ARFGEF1: variants seen among roughly 807,000 people sequenced by gnomAD.
ARFGEF1 encodes the protein brefeldin A-inhibited guanine nucleotide-exchange protein 1.
Under a neutral mutation model 231.0 loss-of-function variants are expected in ARFGEF1, and 42 were observed. The ratio of observed to expected loss-of-function variants is 0.18; its 90% confidence interval spans 0.14 to 0.24. ARFGEF1 has a LOEUF of 0.24. ARFGEF1 is among the 10% of genes least tolerant of loss of function. ARFGEF1 has a pLI of 1.00. For missense variants in ARFGEF1, 1,345 were observed against 2,192.0 expected (o/e 0.61, Z 7.72); for synonymous variants, 710 against 732.3 (o/e 0.97, Z 0.49).
chr8:67,175,791 A>G (rs1284136931), intron 5 of ARFGEF1, among the ~76,000 whole-genome samples: 1 of 152,250 alleles, frequency 6.6e-6, no homozygotes. Context: ...GCATTTGCCT[A>G]CTGTGCCATG....
chr8:67,236,695 C>T (rs553026418), intron 22 of ARFGEF1, among the ~76,000 whole-genome samples: 1 of 151,882 alleles, frequency 6.6e-6, no homozygotes, highest in East Asian at 1.9e-4. Context: ...ATGGTGCAGA[C>T]CAAAAAGAGA....
chr8:67,202,280 G>T (rs925497214), intron 36 of ARFGEF1, among the ~76,000 whole-genome samples: 1 of 151,708 alleles, frequency 6.6e-6, no homozygotes, highest in Admixed American at 6.6e-5. Context: ...TTTTTTAAGA[G>T]ATGGGGTCTC....
At chr8:67,310,793 C>A (rs1329439412) in intron 1 of ARFGEF1, among the ~76,000 whole-genome samples, 1 of 151,484 alleles carries the variant, frequency 6.6e-6, no homozygotes, top group African/African-American at 2.4e-5. Flanking sequence ...GCTGCCCCAT[C>A]TGAGAAGTGA....
intron 22 of ARFGEF1, among the ~76,000 whole-genome samples, chr8:67,237,489 G>A (rs1839805759): frequency 6.6e-6 from 1 of 152,142 alleles, no homozygotes; most frequent in African/African-American, 2.4e-5. Flanking sequence ...AATTTTCACT[G>A]CTAGCAGCAA....
intron 19 of ARFGEF1, among the ~76,000 whole-genome samples, 172 bp downstream of exon 19, chr8:67,251,127 T>C (rs1244961719): frequency 6.6e-6 from 1 of 152,156 alleles, no homozygotes; most frequent in African/African-American, 2.4e-5. Context: ...TCTCTTTAAG[T>C]AATAGAAAAT....
intron 22 of ARFGEF1, among the ~76,000 whole-genome samples, chr8:67,236,606 A>T (rs974680137): frequency 6.6e-6 from 1 of 151,946 alleles, no homozygotes; most frequent in Non-Finnish European, 1.5e-5. Context: ...GGCTCTGCCC[A>T]ACAGGGGCCA....
chr8:67,253,343 C>G, intron 18 of ARFGEF1, 108 bp downstream of exon 18: 2 of 705,760 alleles, frequency 2.8e-6, no homozygotes, highest in East Asian at 3.1e-5. Flanking sequence ...CCCTGAGTAG[C>G]TGGGGACTAT....
chr8:67,224,141 AG>A (rs1839294489), intron 29 of ARFGEF1, among the ~76,000 whole-genome samples: 1 of 152,196 alleles, frequency 6.6e-6, no homozygotes, highest in African/African-American at 2.4e-5. Flanking sequence ...AATTCGATAA[AG>A]TTACACATCC....
Position 67,248,538 on chromosome 8 carries a change from G to A in ARFGEF1, c.2850+2761C>T, listed in dbSNP as rs186973824. Among the ~76,000 whole-genome samples the A allele has an allele frequency of 6.4e-4, 97 of 150,396 alleles. 6 individuals carry two copies. The highest frequency in any genetic ancestry group is 1.0e-3 in the Non-Finnish European group (69 of 67,798). ...TAAGACCTCAAACTATGAAACTACC[G>A]TAAGAAAACATTGAGGATTCTCTAG... On this transcript the variant is annotated intron_variant, in intron 19 of 38. Coordinates refer to ENST00000262215, the MANE Select transcript of ARFGEF1 (RefSeq NM_006421.5).
intron 17 of ARFGEF1, among the ~76,000 whole-genome samples, chr8:67,255,150 A>G (rs1587142711): frequency 6.6e-6 from 1 of 152,252 alleles, no homozygotes; most frequent in South Asian, 2.1e-4. Context: ...TAGGGATCCC[A>G]TACGTGGGCG....
In ARFGEF1 at chr8:67,286,981, A is replaced by G. The variant is rs569706525; in HGVS notation, c.1027+974T>C. 2.6e-5 allele frequency among the ~76,000 whole-genome samples: 4 copies of G among 152,288 alleles called. No individual in the cohort carries two copies. The East Asian group carries it at 7.7e-4, about 29-fold the overall frequency. The stretch of plus-strand genomic sequence containing the variant: ...TTATCTTCCAAGATGATTCAACTCT[A>G]CCAATAGCACCACCATCCACCTATC... On this transcript the variant is annotated intron_variant, in intron 7 of 38. Transcript: ENST00000262215.
At chr8:67,177,965 C>T (rs1267795775) in intron 5 of ARFGEF1, among the ~76,000 whole-genome samples, 1 of 152,122 alleles carries the variant, frequency 6.6e-6, no homozygotes, top group Non-Finnish European at 1.5e-5. Flanking sequence ...TTTTTAGCTG[C>T]GTGACTTAGG....
Position 67,198,000 on chromosome 8 carries a change from C to T in ARFGEF1, c.*934G>A, listed in dbSNP as rs532154715. On this transcript the variant is annotated 3_prime_UTR_variant, in exon 39 of 39. Coordinates refer to ENST00000262215, the MANE Select transcript of ARFGEF1 (RefSeq NM_006421.5). ...GTAAAATCTACATCAAGCCCCACCACCCAAAAGAAAAGAAAATGACAGCAA... is the reference window on the plus strand; with the variant it reads ...GTAAAATCTACATCAAGCCCCACCATCCAAAAGAAAAGAAAATGACAGCAA... 2 of 985,858 alleles carry T rather than the reference C, an allele frequency of 2.0e-6. No homozygotes were observed. Among genetic ancestry groups the T allele is most frequent in the Admixed American group, 1.2e-4 (2 of 16,296 alleles). The allele number at this position is 985,858 out of a possible 1,614,324, so 61.1% of individuals were successfully genotyped here.
chr8:67,230,980 T>C (rs1440959820), intron 23 of ARFGEF1, among the ~76,000 whole-genome samples: 2 of 152,080 alleles, frequency 1.3e-5, no homozygotes, highest in African/African-American at 4.8e-5. Flanking sequence ...CCAGAAGCTA[T>C]AAAGAACTAA....
At chr8:67,227,915 C>CA (rs768279524) in intron 25 of ARFGEF1, 48 bp downstream of exon 25, 13 of 1,431,700 alleles carry the variant, frequency 9.1e-6, no homozygotes, top group Non-Finnish European at 1.1e-5. Context: ...ACATTCTAAA[C>CA]AAAAAATATA....
chr8:67,279,305 T>A (rs927542709), intron 7 of ARFGEF1, among the ~76,000 whole-genome samples: 1 of 152,148 alleles, frequency 6.6e-6, no homozygotes, highest in Non-Finnish European at 1.5e-5. Context: ...CACCTACTAC[T>A]TAGCTAAAAA....
intron 1 of ARFGEF1, among the ~76,000 whole-genome samples, chr8:67,334,696 G>T (rs1462090329): frequency 6.6e-6 from 1 of 152,082 alleles, no homozygotes; most frequent in Non-Finnish European, 1.5e-5. Context: ...CAAAATATAG[G>T]ATATCTAAAC....
Position 67,203,173 on chromosome 8 carries a change from A to G in ARFGEF1, c.5038T>C (p.Phe1680Leu). Residue 1680 changes from phenylalanine to leucine, a missense_variant, in exon 36 of 39, where the codon TTT (phenylalanine) becomes CTT (leucine). Phe to Leu is a conservative substitution (Grantham distance 22). Around this residue, in one of 14 missense-constraint regions of ARFGEF1, gnomAD observed 161 missense variants for 284.9 expected, o/e 0.57. Coordinates refer to ENST00000262215, the MANE Select transcript of ARFGEF1 (RefSeq NM_006421.5). The stretch of plus-strand genomic sequence containing the variant: ...TCTAATAAGCAGTCCAGTAGCTTAA[A>G]AAGTTGTTGTGATGTTAAAAAGCGG... ...MYRFLTSQQL[F>L]KLLDCLLESH... 1 of 1,614,224 alleles carries G rather than the reference A, an allele frequency of 6.2e-7. No homozygotes were observed. Among genetic ancestry groups the G allele is most frequent in the South Asian group, 1.1e-5 (1 of 91,086 alleles).
At chr8:67,211,359 A>AG (rs2129577813) in intron 34 of ARFGEF1, 124 bp downstream of exon 34, 1 of 675,630 alleles carries the variant, frequency 1.5e-6, no homozygotes, top group Admixed American at 4.3e-5. Flanking sequence ...AAAAAAAAAA[A>AG]AAAAAAGAAG....
Sources: allele counts gnomAD v4.1 joint callset (sites outside exome capture counted in the v4.1 genomes callset), GRCh38; gene constraint gnomAD v4.1.1; regional missense constraint gnomAD v4.1.1; transcripts MANE v1.5; gene names NCBI Gene and HGNC (gene_info 2026-07-23, HGNC 2026-07-21).